TUBGCP3: variants seen among roughly 807,000 people sequenced by gnomAD.
TUBGCP3 encodes the protein gamma-tubulin complex component 3.
In TUBGCP3, 50 loss-of-function variants were observed where a neutral mutation model predicts 123.1. That is an observed-to-expected ratio of 0.41 (90% CI 0.32 to 0.51). TUBGCP3 has a LOEUF of 0.51. Among genes scored for constraint, TUBGCP3 ranks in the 20% least tolerant of loss-of-function variants. The pLI is 0.36. For missense variants in TUBGCP3, 882 were observed against 1,127.0 expected (o/e 0.78, Z 3.11); for synonymous variants, 405 against 413.9 (o/e 0.98, Z 0.26).
chr13:112,516,857 C>A (rs185864279), intron 16 of TUBGCP3, among the ~76,000 whole-genome samples: 2 of 152,280 alleles, frequency 1.3e-5, no homozygotes, highest in East Asian at 1.9e-4. Context: ...ACAACTCCCC[C>A]CAACCCGCCT....
At chr13:112,601,883 C>T in the TUBGCP3 span, among the ~76,000 whole-genome samples, 1 of 152,234 alleles carries the variant, frequency 6.6e-6, no homozygotes, top group Non-Finnish European at 1.5e-5. Context: ...CAGAAGAGTC[C>T]TGGGGTCCGC....
At chr13:112,568,953 C>A (rs1182311216) in intron 2 of TUBGCP3, among the ~76,000 whole-genome samples, 199 bp downstream of exon 2, 2 of 152,204 alleles carry the variant, frequency 1.3e-5, no homozygotes, top group African/African-American at 4.8e-5. Context: ...GCTTTATGCA[C>A]CATCCCAGAA....
chr13:112,547,423 G>T, intron 10 of TUBGCP3, 197 bp downstream of exon 10: 1 of 927,620 alleles, frequency 1.1e-6, no homozygotes, highest in Non-Finnish European at 1.4e-6. Context: ...CGGCCATTAA[G>T]GACAAAAACG....
chr13:112,589,202 G>A (rs1345805041), upstream of TUBGCP3, among the ~76,000 whole-genome samples: 1 of 152,178 alleles, frequency 6.6e-6, no homozygotes, highest in Admixed American at 6.5e-5. Context: ...TTAGTAACTG[G>A]CTTCTCATGA....
chr13:112,588,411 G>T (rs1036676301), upstream of TUBGCP3, among the ~76,000 whole-genome samples: 2 of 152,170 alleles, frequency 1.3e-5, no homozygotes, highest in Admixed American at 6.5e-5. Context: ...TGGGTGTGGG[G>T]GTGTGTGTGT....
Position 112,542,860 on chromosome 13 carries a change from G to A in TUBGCP3, c.1335+2839C>T, listed in dbSNP as rs1441839304. On this transcript the variant is annotated intron_variant, in intron 11 of 21. Coordinates refer to ENST00000261965, the MANE Select transcript of TUBGCP3 (RefSeq NM_006322.6). ...TAAACAAAAGGTACAGAGCTTAAGA[G>A]TGTAGGGCCAGGCACGGTGGCTCAC... is the stretch of plus-strand genomic sequence containing the variant. 3.3e-5 allele frequency among the ~76,000 whole-genome samples: 5 copies of A among 152,272 alleles called. No homozygotes were observed. The South Asian group carries it at 8.3e-4, about 25-fold the overall frequency.
rs2139169410 is a variant in TUBGCP3 at position 112,545,711 on chromosome 13, G to A, written c.1323C>T (p.Asp441=). The A allele has an allele frequency of 3.1e-6, 5 of 1,613,470 alleles. No individual in the cohort carries two copies. The South Asian group carries it at 5.5e-5, about 18-fold the overall frequency. ...CACCGATCCTTACTTCGTGGTAAGT[G>A]TCCTCAAGCTCCCCATCATATATCC... ...YRWIYDGELE[D]TYHEFFVASD... Residue 441 remains aspartate, a synonymous_variant, in exon 11 of 22, where the codon GAC becomes GAT. Coordinates refer to ENST00000261965, the MANE Select transcript of TUBGCP3 (RefSeq NM_006322.6). The surrounding 1 kb of genome is among the most constrained non-coding windows in gnomAD (Gnocchi z 4.1).
intron 11 of TUBGCP3, among the ~76,000 whole-genome samples, chr13:112,535,346 A>AT (rs1281944174): frequency 6.6e-6 from 1 of 152,080 alleles, no homozygotes; most frequent in African/African-American, 2.4e-5. Context: ...TCCATATTTA[A>AT]TTTTTTTAGA....
intron 3 of TUBGCP3, among the ~76,000 whole-genome samples, chr13:112,561,256 C>T (rs1880496220): frequency 6.6e-6 from 1 of 152,150 alleles, no homozygotes; most frequent in African/African-American, 2.4e-5. Context: ...CCGGTGAGTC[C>T]CTGCAAGCCA....
the TUBGCP3 span, among the ~76,000 whole-genome samples, chr13:112,593,678 A>C: frequency 1.3e-5 from 2 of 152,200 alleles, no homozygotes; most frequent in Non-Finnish European, 2.9e-5. Flanking sequence ...ATCTCAAAAA[A>C]AAGAAAAAAA....
At chr13:112,568,093 C>T (rs1182312285) in intron 2 of TUBGCP3, among the ~76,000 whole-genome samples, 14 of 151,288 alleles carry the variant, frequency 9.3e-5, no homozygotes, top group Admixed American at 5.9e-4. Context: ...GGTGTTATTA[C>T]TGAGACCCAA....
chr13:112,596,269 T>A, the TUBGCP3 span, among the ~76,000 whole-genome samples: 2 of 152,240 alleles, frequency 1.3e-5, no homozygotes, highest in African/African-American at 4.8e-5. Flanking sequence ...TCATTTCCTA[T>A]TTCAAGAACT....
chr13:112,590,168 G>T (rs1882857237), upstream of TUBGCP3, among the ~76,000 whole-genome samples: 1 of 152,004 alleles, frequency 6.6e-6, no homozygotes. Context: ...AGTAGAGACG[G>T]GGTTACACTC....
At chr13:112,593,240 A>G in the TUBGCP3 span, among the ~76,000 whole-genome samples, 1 of 151,878 alleles carries the variant, frequency 6.6e-6, no homozygotes. Flanking sequence ...CCAACATGGT[A>G]AAACCCCATC....
At chr13:112,489,891 T>C (rs1341692563) in intron 20 of TUBGCP3, 194 bp from the exon 21 acceptor site, 2 of 580,394 alleles carry the variant, frequency 3.4e-6, no homozygotes, top group Non-Finnish European at 6.1e-6. Context: ...CAATGTGTGT[T>C]GAAAATATTT....
At chr13:112,544,689 A>G (rs2139165212) in intron 11 of TUBGCP3, 1 of 152,240 alleles carries the variant, frequency 6.6e-6, no homozygotes, top group Non-Finnish European at 1.5e-5. Context: ...ATAAAGAAAA[A>G]CTACACACAC....
chr13:112,492,383 C>T (rs1212100710), intron 20 of TUBGCP3, among the ~76,000 whole-genome samples: 3 of 152,170 alleles, frequency 2.0e-5, no homozygotes, highest in Non-Finnish European at 2.9e-5. Flanking sequence ...ATTTTACTGT[C>T]GTGTAACACA....
chr13:112,490,341 G>A (rs569291347), intron 20 of TUBGCP3, among the ~76,000 whole-genome samples: 9 of 152,192 alleles, frequency 5.9e-5, no homozygotes, highest in South Asian at 4.1e-4. Context: ...CTGCAACCTC[G>A]GCCTCCTGGG....
chr13:112,535,689 GGTAA>G (rs1877988856), intron 11 of TUBGCP3, among the ~76,000 whole-genome samples: 1 of 152,072 alleles, frequency 6.6e-6, no homozygotes, highest in South Asian at 2.1e-4. Flanking sequence ...ACCATTATCA[GGTAA>G]GTGATTTGGA....
Sources: gnomAD v4.1 joint callset for allele counts (sites outside exome capture counted in the v4.1 genomes callset) on GRCh38, gnomAD v4.1.1 for gene constraint, Gnocchi (gnomAD v3.1) non-coding constraint, MANE v1.5 for transcripts, NCBI Gene and HGNC (gene_info 2026-07-23, HGNC 2026-07-21) for gene names.